The following IPO5 variants were observed in gnomAD, a reference collection of about 807,000 sequenced individuals.
IPO5 encodes importin 5, also known as importin-5.
IPO5 carries 18 observed loss-of-function variants against 143.3 expected under a neutral mutation model. The ratio of observed to expected loss-of-function variants is 0.13; its 90% confidence interval spans 0.09 to 0.19. The LOEUF (loss-of-function observed/expected upper bound fraction) is 0.19. Among genes scored for constraint, IPO5 ranks in the 10% least tolerant of loss-of-function variants. The probability of loss-of-function intolerance (pLI) is 1.00; values close to 1 mark genes in which losing one functional copy is unlikely to be tolerated. For synonymous variants in IPO5, 477 were observed against 465.7 expected (o/e 1.02, Z -0.31); for missense variants, 1,013 against 1,336.9 (o/e 0.76, Z 3.78).
intron 2 of IPO5, among the ~76,000 whole-genome samples, chr13:97,965,500 C>A (rs915362817): frequency 1.3e-3 from 200 of 152,170 alleles, no homozygotes; most frequent in African/African-American, 4.6e-3. Context: ...GACTGTGTTT[C>A]CATTTATTTA....
intron 5 of IPO5, among the ~76,000 whole-genome samples, chr13:97,984,567 A>G (rs1322330568): frequency 6.6e-6 from 1 of 152,144 alleles, no homozygotes; most frequent in Non-Finnish European, 1.5e-5. Flanking sequence ...AACATGTTAA[A>G]TATTTGTAAA....
rs542245481 is a variant in IPO5, at chr13:97,983,118, C to G, written c.171+535C>G. ...ACTCCTGACCTCAAGTGATCCACCC[C>G]CTTCAGCCTCCGAAAGTGCTGGGAT... is the stretch of plus-strand genomic sequence containing the variant. On this transcript the variant is annotated intron_variant, in intron 5 of 28. Coordinates refer to ENST00000651721, the MANE Select transcript of IPO5 (RefSeq NM_002271.6). Among the ~76,000 whole-genome samples, 14 of 152,252 alleles carry G rather than the reference C, an allele frequency of 9.2e-5. No individual in the cohort carries two copies. The East Asian group carries it at 2.7e-3, about 29-fold the overall frequency.
At position 97,969,926 on chromosome 13, in the gene IPO5, T is replaced by C. The variant is rs546199847; in HGVS notation, c.-5+96T>C. 8 of 896,726 alleles carry C rather than the reference T, an allele frequency of 8.9e-6. No homozygotes were observed. The South Asian group carries it at 1.1e-4, about 12-fold the overall frequency. The allele number at this position is 896,726 out of a possible 1,614,324, so 55.5% of individuals were successfully genotyped here. A position where few individuals can be genotyped will look rare whatever the true frequency, so the allele number is the denominator to read the frequency against. On this transcript the variant is annotated intron_variant, in intron 3 of 28. Transcript: ENST00000651721. ...GTTGCCCAGGCTGGTCTCGAACTCC[T>C]GGTCTCAGGCAATCCTCCCACCTCA...
intron 2 of IPO5, among the ~76,000 whole-genome samples, chr13:97,964,642 G>A (rs1033727209): frequency 3.3e-5 from 5 of 151,528 alleles, no homozygotes; most frequent in African/African-American, 9.7e-5. Flanking sequence ...GTAGAGACGG[G>A]GTTTCACCGT....
At chr13:97,981,035 A>G (rs1821186034) in intron 4 of IPO5, among the ~76,000 whole-genome samples, 1 of 152,140 alleles carries the variant, frequency 6.6e-6, no homozygotes, top group Admixed American at 6.6e-5. Flanking sequence ...GTACATAACC[A>G]TTTTTGCATT....
At chr13:97,982,940 G>A (rs1421051388) in intron 5 of IPO5, among the ~76,000 whole-genome samples, 2 of 152,162 alleles carry the variant, frequency 1.3e-5, no homozygotes, top group African/African-American at 4.8e-5. Context: ...GCACCATCTC[G>A]GCCCACTGCA....
At chr13:97,990,607 G>A (rs964452280) in intron 9 of IPO5, 70 bp downstream of exon 9, 8 of 844,430 alleles carry the variant, frequency 9.5e-6, no homozygotes, top group Non-Finnish European at 1.3e-5. Context: ...AATCATTTAT[G>A]CAATAAATTC....
chr13:97,976,898 C>T (rs967126836), intron 4 of IPO5, 112 bp downstream of exon 4: 3 of 195,884 alleles, frequency 1.5e-5, no homozygotes, highest in Non-Finnish European at 2.0e-5. Context: ...AGGCTGGGCC[C>T]GGCGGGCGGC....
At chr13:98,000,011 A>G (rs769094074) in intron 12 of IPO5, among the ~76,000 whole-genome samples, 1 of 152,190 alleles carries the variant, frequency 6.6e-6, no homozygotes, top group Non-Finnish European at 1.5e-5. Context: ...CAGGCTGGGC[A>G]CAGTGGCTCA....
At chr13:97,953,918 C>T (rs746746432) in intron 1 of IPO5, 1 of 455,946 alleles carries the variant, frequency 2.2e-6, no homozygotes, top group East Asian at 7.0e-5. Context: ...ACATTCTACA[C>T]AAAAACCAAG....
rs1349692563 is a variant in IPO5 at position 98,022,767 on chromosome 13, A to G, written c.*945A>G. On this transcript the variant is annotated 3_prime_UTR_variant, in exon 29 of 29. Transcript: ENST00000651721. The stretch of plus-strand genomic sequence containing the variant: ...AGATTGTTCTGATCAGCTCAAAAAG[A>G]TTTGGCTTAGTGTTTTCATTGCAAA... 1 of 152,328 alleles carries G rather than the reference A, an allele frequency of 6.6e-6. No individual in the cohort carries two copies. Among genetic ancestry groups the G allele is most frequent in the African/African-American group, 2.4e-5 (1 of 41,456 alleles). 9.4% of individuals were successfully genotyped at this position (152,328 alleles called of 1,614,324 possible).
At chr13:97,966,098 C>T (rs950676145) in intron 2 of IPO5, among the ~76,000 whole-genome samples, 5 of 143,886 alleles carry the variant, frequency 3.5e-5, no homozygotes, top group African/African-American at 1.3e-4. Context: ...CCGAGATCTG[C>T]ACTCCAGCCT....
chr13:97,964,356 G>C (rs1225214653), intron 2 of IPO5, among the ~76,000 whole-genome samples: 1 of 150,980 alleles, frequency 6.6e-6, no homozygotes, highest in Non-Finnish European at 1.5e-5. Context: ...AATCCATCTT[G>C]AGTTAATTTT....
intron 20 of IPO5, among the ~76,000 whole-genome samples, chr13:98,012,008 G>A (rs1333178562): frequency 6.6e-6 from 1 of 151,738 alleles, no homozygotes; most frequent in Non-Finnish European, 1.5e-5. Context: ...CAATATATAC[G>A]ACAATAATTT....
At chr13:98,000,162 G>C (rs1218572956) in intron 12 of IPO5, among the ~76,000 whole-genome samples, 2 of 152,092 alleles carry the variant, frequency 1.3e-5, no homozygotes, top group South Asian at 4.1e-4. Context: ...GCGGGCACCT[G>C]TAGTCCCAGC....
In IPO5 at chr13:98,018,493, T is replaced by C; in HGVS notation, c.2625T>C (p.His875=). The C allele has an allele frequency of 1.2e-6, 2 of 1,612,782 alleles. No individual in the cohort carries two copies. The highest frequency in any genetic ancestry group is 1.7e-6 in the Non-Finnish European group (2 of 1,178,838). Reference sequence around the variant, plus strand: ...GAGAATTTCTTTTGTAGTGTCCACATAGACCATGGCCAGACAGACAATGGG... The same window carrying C: ...GAGAATTTCTTTTGTAGTGTCCACACAGACCATGGCCAGACAGACAATGGG... The part of the protein sequence containing the change: ...LPLIVNLICP[H]RPWPDRQWGL... The change falls in exon 26 of 29, where the codon CAT becomes CAC. Residue 875 remains histidine, a synonymous_variant. Coordinates refer to ENST00000651721, the MANE Select transcript of IPO5 (RefSeq NM_002271.6).
At chr13:98,000,754 C>A in intron 13 of IPO5, 109 bp downstream of exon 13, 1 of 698,716 alleles carries the variant, frequency 1.4e-6, no homozygotes, top group Non-Finnish European at 2.5e-6. Context: ...TTTTTATCAT[C>A]CATATTTAAC....
intron 27 of IPO5, among the ~76,000 whole-genome samples, chr13:98,020,668 G>C (rs112990560): frequency 1.0e-3 from 155 of 152,238 alleles, no homozygotes; most frequent in African/African-American, 3.7e-3. Context: ...TTGAACTTCA[G>C]AGTTATTTTA....
In IPO5 at chr13:97,987,634, C is replaced by T. The variant is rs568935991; in HGVS notation, c.365-1428C>T. Among the ~76,000 whole-genome samples the T allele has an allele frequency of 2.6e-5, 4 of 152,184 alleles. No homozygotes were observed. In the East Asian group the frequency reaches 5.8e-4, roughly 22 times the overall value. On this transcript the variant is annotated intron_variant, in intron 6 of 28. Transcript: ENST00000651721. ...TCCCAAGTTTAGGTGATTCTCCTGCCTCAGCCTCCCACACGCCCAGCTAAT... is the reference window on the plus strand; with the variant it reads ...TCCCAAGTTTAGGTGATTCTCCTGCTTCAGCCTCCCACACGCCCAGCTAAT...
Sources: gnomAD v4.1 joint callset for allele counts (sites outside exome capture counted in the v4.1 genomes callset) on GRCh38, gnomAD v4.1.1 for gene constraint, MANE v1.5 for transcripts, NCBI Gene and HGNC (gene_info 2026-07-23, HGNC 2026-07-21) for gene names.